VPS13A: variants seen among roughly 807,000 people sequenced by gnomAD.
VPS13A encodes intermembrane lipid transfer protein VPS13A.
A neutral mutation model predicts 390.9 loss-of-function variants in VPS13A; 264 were observed. That is an observed-to-expected ratio of 0.68 (90% CI 0.61 to 0.75). The LOEUF (loss-of-function observed/expected upper bound fraction) is 0.75. VPS13A is among the 30% of genes least tolerant of loss of function. VPS13A has a pLI of 0.00. For synonymous variants in VPS13A, 1,231 were observed against 1,227.1 expected, an observed-to-expected ratio of 1.00 and a Z score of -0.07; for missense variants, 3,409 against 3,733.9, an observed-to-expected ratio of 0.91 and a Z score of 2.27.
chr9:77,224,843 C>G (rs1320862668), intron 13 of VPS13A, among the ~76,000 whole-genome samples: 1 of 152,102 alleles, frequency 6.6e-6, no homozygotes, highest in African/African-American at 2.4e-5. Context: ...ACAGATAAAT[C>G]AGTTGTGAAA....
intron 33 of VPS13A, among the ~76,000 whole-genome samples, chr9:77,296,503 G>A (rs907370173): frequency 6.6e-5 from 10 of 151,622 alleles, no homozygotes. Context: ...TCTCTTGCTT[G>A]TCTCTTCACC....
At chr9:77,371,245 T>G (rs1174352627) in intron 67 of VPS13A, 96 bp downstream of exon 67, 2 of 1,550,758 alleles carry the variant, frequency 1.3e-6, no homozygotes, top group African/African-American at 2.7e-5. Context: ...AGTTATTGTC[T>G]TTGTTTTGTG....
At chr9:77,207,418 T>G (rs1825745223) in intron 5 of VPS13A, among the ~76,000 whole-genome samples, 1 of 150,238 alleles carries the variant, frequency 6.7e-6, no homozygotes, top group Non-Finnish European at 1.5e-5. Context: ...CACACATCCT[T>G]TTATGATGTA....
rs552750998 is a variant in VPS13A at position 77,325,600 on chromosome 9, G to GGAT, written c.5991+2374_5991+2376dup. On this transcript the variant is annotated intron_variant, in intron 45 of 71. Coordinates refer to ENST00000360280, the MANE Select transcript of VPS13A (RefSeq NM_033305.3). The stretch of plus-strand genomic sequence containing the variant: ...TTTATTAATTGAGCATTTTTGTTAT[G>GGAT]GATTCATTTTATTTCCTTGTTGGCT... 8.0e-5 allele frequency among the ~76,000 whole-genome samples: 12 copies of GGAT among 149,186 alleles called. No homozygotes were observed. The South Asian group carries it at 2.6e-3, about 32-fold the overall frequency.
At chr9:77,207,815 G>T (rs1825767436) in intron 5 of VPS13A, among the ~76,000 whole-genome samples, 1 of 152,018 alleles carries the variant, frequency 6.6e-6, no homozygotes, top group Admixed American at 6.6e-5. Context: ...TTTTTGTTTG[G>T]TGGGGTTTCC....
At chr9:77,362,205 G>A (rs1302599836) in intron 59 of VPS13A, among the ~76,000 whole-genome samples, 1 of 151,996 alleles carries the variant, frequency 6.6e-6, no homozygotes, top group Non-Finnish European at 1.5e-5. Context: ...CATGCTTTTG[G>A]TGTCATTTCT....
chr9:77,328,662 C>G (rs1830128795), intron 45 of VPS13A, among the ~76,000 whole-genome samples: 1 of 152,176 alleles, frequency 6.6e-6, no homozygotes, highest in Non-Finnish European at 1.5e-5. Context: ...GTGTGTTATG[C>G]AGGTGGTTTC....
chr9:77,367,815 A>G (rs1027964820), intron 61 of VPS13A, among the ~76,000 whole-genome samples: 1 of 152,210 alleles, frequency 6.6e-6, no homozygotes, highest in African/African-American at 2.4e-5. Flanking sequence ...ATGAAAATTT[A>G]TGTGTACTGG....
chr9:77,379,814 A>G (rs1833330406), intron 67 of VPS13A, among the ~76,000 whole-genome samples: 1 of 152,318 alleles, frequency 6.6e-6, no homozygotes, highest in South Asian at 2.1e-4. Flanking sequence ...TGAGAAGAAT[A>G]TATATTCTGT....
chr9:77,210,649 A>G lies in VPS13A; in HGVS notation c.529A>G (p.Ile177Val), dbSNP rs1473981174. Residue 177 changes from isoleucine to valine, a missense_variant, in exon 7 of 72, where the codon ATT becomes GTT. Coordinates refer to ENST00000360280, the MANE Select transcript of VPS13A (RefSeq NM_033305.3). ...TCGGGACAAACCGCTGTCATTTGGTATTTCCCTTCAAAATCTGAGCATGCA... is the reference window on the plus strand; with the variant it reads ...TCGGGACAAACCGCTGTCATTTGGTGTTTCCCTTCAAAATCTGAGCATGCA... ...TNRDKPLSFG[I>V]SLQNLSMQTT... The G allele has an allele frequency of 6.2e-7, 1 of 1,613,840 alleles. No individual in the cohort carries two copies. Among genetic ancestry groups the G allele is most frequent in the Non-Finnish European group, 8.5e-7 (1 of 1,179,994 alleles).
chr9:77,253,976 G>A (rs1825298260), intron 22 of VPS13A, among the ~76,000 whole-genome samples: 5 of 111,678 alleles, frequency 4.5e-5, no homozygotes, highest in Middle Eastern at 8.8e-3. Flanking sequence ...ACAGAGTCTC[G>A]CTGTCGCCCA....
At chr9:77,413,051 C>G (rs552892351) in intron 71 of VPS13A, among the ~76,000 whole-genome samples, 4 of 152,212 alleles carry the variant, frequency 2.6e-5, no homozygotes, top group African/African-American at 9.6e-5. Flanking sequence ...ATGTGAAGGA[C>G]CTCTTCAAGG....
chr9:77,283,399 T>C lies in VPS13A; in HGVS notation c.3163T>C (p.Leu1055=), dbSNP rs545543941. The change falls in exon 30 of 72, where the codon TTA becomes CTA. Residue 1055 remains leucine, a synonymous_variant. Transcript: ENST00000360280. ...TNEDIITLQI[L]AELSCLQIFI... ...TGAAGATATCATTACTTTGCAGATT[T>C]TAGCAGAATTATCGTGTTTACAGAT... is the stretch of plus-strand genomic sequence containing the variant. The C allele has an allele frequency of 6.8e-6, 11 of 1,608,430 alleles. No homozygotes were observed. The South Asian group carries it at 1.2e-4, about 18-fold the overall frequency.
intron 23 of VPS13A, among the ~76,000 whole-genome samples, chr9:77,260,724 A>G (rs1335536159): frequency 6.6e-6 from 1 of 152,090 alleles, no homozygotes; most frequent in Admixed American, 6.5e-5. Flanking sequence ...ATATAAAATA[A>G]TAAATCTACT....
chr9:77,238,380 G>A lies in VPS13A; in HGVS notation c.1894G>A (p.Ala632Thr), dbSNP rs1395185969. The change falls in exon 19 of 72, where the codon GCA becomes ACA. Residue 632 changes from alanine (A) to threonine (T), a missense_variant. This residue lies in a region of VPS13A where 2,717 missense variants were observed against 2,917.4 expected (regional missense o/e 0.93). Transcript: ENST00000360280. Reference protein sequence around the residue: ...TKLEEFRSKTATGLLYIIETQ... With the variant: ...TKLEEFRSKTTTGLLYIIETQ... ...ACTGGAAGAATTTCGCAGTAAGACAGCAACAGGTAAATGCCAATATTAATG... is the reference window on the plus strand; with the variant it reads ...ACTGGAAGAATTTCGCAGTAAGACAACAACAGGTAAATGCCAATATTAATG... 1 of 1,611,548 alleles carries A rather than the reference G, an allele frequency of 6.2e-7. No individual in the cohort carries two copies. The highest frequency in any genetic ancestry group is 2.2e-5 in the East Asian group (1 of 44,812).
intron 27 of VPS13A, among the ~76,000 whole-genome samples, chr9:77,281,235 G>A (rs2131345012): frequency 6.6e-6 from 1 of 152,126 alleles, no homozygotes; most frequent in East Asian, 1.9e-4. Context: ...TACAGCAGGG[G>A]AACTGTAATC....
At chr9:77,360,385 C>T (rs1832075772) in intron 58 of VPS13A, 151 bp from the exon 59 acceptor site, 2 of 599,582 alleles carry the variant, frequency 3.3e-6, no homozygotes, top group Non-Finnish European at 5.9e-6. Flanking sequence ...CTGTTATTAA[C>T]AGTGTTCCAT....
At chr9:77,191,387 A>T (rs1824679108) in intron 1 of VPS13A, among the ~76,000 whole-genome samples, 1 of 147,096 alleles carries the variant, frequency 6.8e-6, no homozygotes, top group African/African-American at 2.5e-5. Context: ...TCCACCTTCC[A>T]GGCTCAAGCA....
chr9:77,372,873 C>T (rs1832859925), intron 67 of VPS13A, among the ~76,000 whole-genome samples: 1 of 152,074 alleles, frequency 6.6e-6, no homozygotes, highest in Non-Finnish European at 1.5e-5. Flanking sequence ...CATAAGTGAA[C>T]TCCCATTCAC....
Sources: allele counts gnomAD v4.1 joint callset (sites outside exome capture counted in the v4.1 genomes callset), GRCh38; gene constraint gnomAD v4.1.1; regional missense constraint gnomAD v4.1.1; transcripts MANE v1.5; gene names NCBI Gene and HGNC (gene_info 2026-07-23, HGNC 2026-07-21).